Variants in CTNNA2 observed in about 807,000 individuals in gnomAD.
The protein encoded by CTNNA2 is catenin alpha 2, also known as catenin alpha-2.
A neutral mutation model predicts 101.0 loss-of-function variants in CTNNA2; 42 were observed. The observed-to-expected ratio is 0.42, with a 90% CI of 0.32 to 0.54. The LOEUF is 0.54. Ranked by LOEUF, CTNNA2 falls within the 20% of genes least tolerant of loss-of-function variation. The pLI is 0.14. For missense variants in CTNNA2, 871 were observed against 1,223.1 expected (o/e 0.71, Z 4.29); for synonymous variants, 450 against 456.4 (o/e 0.99, Z 0.18).
intron 7 of CTNNA2, among the ~76,000 whole-genome samples, chr2:80,027,538 G>A (rs1237265267): frequency 6.6e-6 from 1 of 152,208 alleles, no homozygotes; most frequent in Non-Finnish European, 1.5e-5. Context: ...GAGGAGATTA[G>A]ATAGATGCCA....
At chr2:80,406,786 C>G (rs1374099979) in intron 8 of CTNNA2, among the ~76,000 whole-genome samples, 2 of 144,502 alleles carry the variant, frequency 1.4e-5, no homozygotes, top group African/African-American at 5.2e-5. Context: ...AAGATTGGGC[C>G]ACTGCACTCC....
chr2:80,330,756 G>A lies in CTNNA2; in HGVS notation c.1057-62455G>A, dbSNP rs553968043. Among the ~76,000 whole-genome samples the A allele has an allele frequency of 1.6e-4, 24 of 152,060 alleles. 2 individuals carry two copies. The highest frequency in any genetic ancestry group is 4.8e-4 in the African/African-American group (20 of 41,474). On this transcript the variant is annotated intron_variant, in intron 7 of 18. Transcript: ENST00000402739. ...CAAGAGTCTTGTTGTTCATTATTGC[G>A]TTTACTACTATAGCAACGGCTCCAC...
chr2:79,562,945 A>G (rs1674873631), intron 1 of CTNNA2, among the ~76,000 whole-genome samples: 1 of 151,858 alleles, frequency 6.6e-6, no homozygotes, highest in South Asian at 2.1e-4. Flanking sequence ...AATGAAACTT[A>G]TTTTCTAATA....
chr2:79,660,760 C>T (rs939703714), intron 2 of CTNNA2, among the ~76,000 whole-genome samples: 8 of 152,004 alleles, frequency 5.3e-5, no homozygotes, highest in Admixed American at 3.9e-4. Context: ...GAGTGATACT[C>T]TTTCTGTTAT....
intron 13 of CTNNA2, among the ~76,000 whole-genome samples, chr2:80,580,658 G>A (rs545031305): frequency 2.0e-5 from 3 of 152,158 alleles, no homozygotes; most frequent in African/African-American, 7.2e-5. Context: ...TCCTTTATGG[G>A]TATGTGGTAA....
intron 2 of CTNNA2, among the ~76,000 whole-genome samples, chr2:79,724,129 G>A (rs187437685): frequency 4.6e-5 from 7 of 152,212 alleles, no homozygotes; most frequent in Non-Finnish European, 1.0e-4. Context: ...CAAATGTGGA[G>A]CATCATAGTG....
Position 80,621,839 on chromosome 2 carries a change from G to A in CTNNA2, c.2574+2611G>A, listed in dbSNP as rs546940766. Among the ~76,000 whole-genome samples, 8 of 151,958 alleles carry A rather than the reference G, an allele frequency of 5.3e-5. No individual in the cohort carries two copies. The East Asian group carries it at 7.8e-4, about 15-fold the overall frequency. ...GGAGTCTGTACATGTGCCAAGTGCC[G>A]ACTTGGAAGTGAATACAGTAAGTGC... On this transcript the variant is annotated intron_variant, in intron 18 of 18. Coordinates refer to ENST00000402739, the MANE Select transcript of CTNNA2 (RefSeq NM_001282597.3).
chr2:79,536,574 A>AGTATGTGTGTGTGT lies in CTNNA2; in HGVS notation c.-6+23369_-6+23370insATGTGTGTGTGTGT, dbSNP rs34403615. Among the ~76,000 whole-genome samples, 1,142 of 146,776 alleles carry AGTATGTGTGTGTGT rather than the reference A, an allele frequency of 7.8e-3. 17 individuals are homozygous for AGTATGTGTGTGTGT. Among genetic ancestry groups the AGTATGTGTGTGTGT allele is most frequent in the Non-Finnish European group, 8.6e-3 (572 of 66,552 alleles). ...ATATACACCTAAATATCTCTAAAGA[A>AGTATGTGTGTGTGT]GTGTGTGTGTGTGTGTGTGTGTGTG... On this transcript the variant is annotated intron_variant, in intron 1 of 18. Coordinates refer to ENST00000402739, the MANE Select transcript of CTNNA2 (RefSeq NM_001282597.3).
chr2:79,475,326 G>A (rs912660260), intron 4 of CTNNA2, among the ~76,000 whole-genome samples: 2 of 152,086 alleles, frequency 1.3e-5, no homozygotes, highest in Non-Finnish European at 2.9e-5. Context: ...GATAGAAATA[G>A]CAATTTTTCC....
chr2:80,270,245 T>C (rs969443456), intron 7 of CTNNA2, among the ~76,000 whole-genome samples: 8 of 152,330 alleles, frequency 5.3e-5, no homozygotes, highest in Non-Finnish European at 7.3e-5. Context: ...CTCCGTTTTC[T>C]TTGCTCAGCC....
chr2:80,096,453 T>C (rs939722442), intron 7 of CTNNA2, among the ~76,000 whole-genome samples: 1 of 152,142 alleles, frequency 6.6e-6, no homozygotes, highest in Admixed American at 6.6e-5. Context: ...ATAGGTGCGG[T>C]GTGGTGCTGA....
At chr2:80,335,648 G>A (rs991953861) in intron 7 of CTNNA2, among the ~76,000 whole-genome samples, 2 of 152,152 alleles carry the variant, frequency 1.3e-5, no homozygotes, top group Non-Finnish European at 2.9e-5. Flanking sequence ...TGAGAAGTTT[G>A]CACTGGGAGA....
At chr2:80,237,400 T>C (rs1007233280) in intron 7 of CTNNA2, among the ~76,000 whole-genome samples, 1 of 152,222 alleles carries the variant, frequency 6.6e-6, no homozygotes, top group Non-Finnish European at 1.5e-5. Context: ...CAATGTAGAA[T>C]ATTTTCAACT....
At chr2:80,494,031 C>A (rs994581722) in intron 9 of CTNNA2, among the ~76,000 whole-genome samples, 11 of 152,146 alleles carry the variant, frequency 7.2e-5, no homozygotes, top group African/African-American at 2.7e-4. Context: ...AGGAGTGTTA[C>A]TTCTGGGAGG....
At chr2:79,470,402 T>C (rs1670985403) in intron 4 of CTNNA2, among the ~76,000 whole-genome samples, 1 of 152,038 alleles carries the variant, frequency 6.6e-6, no homozygotes, top group Admixed American at 6.6e-5. Flanking sequence ...AGCCCAGAGG[T>C]AATATGAAAC....
intron 7 of CTNNA2, among the ~76,000 whole-genome samples, chr2:80,097,570 A>T (rs1267010232): frequency 1.3e-5 from 2 of 152,022 alleles, no homozygotes; most frequent in African/African-American, 4.8e-5. Flanking sequence ...TAGATTGGAG[A>T]AGTTCTCCTG....
At chr2:79,200,026 T>TGA (rs1268465020) in intron 2 of CTNNA2, among the ~76,000 whole-genome samples, 2 of 132,772 alleles carry the variant, frequency 1.5e-5, no homozygotes, top group African/African-American at 3.6e-5. Flanking sequence ...ACGTAGAGAA[T>TGA]GAGACAGAGA....
intron 1 of CTNNA2, among the ~76,000 whole-genome samples, chr2:79,530,044 A>G (rs1672645701): frequency 2.0e-5 from 3 of 152,058 alleles, no homozygotes; most frequent in Non-Finnish European, 2.9e-5. Flanking sequence ...CAGCTAAACA[A>G]TGACCCCATG....
rs1708496707 is a variant in CTNNA2 at position 80,220,185 on chromosome 2, CTCT to C, written c.1057-173019_1057-173017del. On this transcript the variant is annotated intron_variant, in intron 7 of 18. Transcript: ENST00000402739. ...CACGATTTAAATGAATTCCTTTGCC[CTCT>C]TCTTCTGCCATAGACATACTAATTC... is the stretch of plus-strand genomic sequence containing the variant. 2.6e-5 allele frequency among the ~76,000 whole-genome samples: 4 copies of C among 152,166 alleles called. No homozygotes were observed. The South Asian group carries it at 8.3e-4, about 32-fold the overall frequency.
Sources: allele counts gnomAD v4.1 joint callset (sites outside exome capture counted in the v4.1 genomes callset), GRCh38; gene constraint gnomAD v4.1.1; transcripts MANE v1.5; gene names NCBI Gene and HGNC (gene_info 2026-07-23, HGNC 2026-07-21).